The following APBA1 variants were observed in gnomAD, a reference collection of about 807,000 sequenced individuals.
APBA1 encodes amyloid-beta A4 precursor protein-binding family A member 1.
In APBA1, 55 loss-of-function variants were observed where a neutral mutation model predicts 86.6. The ratio of observed to expected loss-of-function variants is 0.64; its 90% confidence interval spans 0.51 to 0.80. APBA1 has a LOEUF of 0.80. Among genes scored for constraint, APBA1 ranks in the 30% least tolerant of loss-of-function variants. APBA1 has a pLI of 0.00. For synonymous variants in APBA1, 511 were observed against 493.9 expected (o/e 1.03, Z -0.46); for missense variants, 1,090 against 1,183.0 (o/e 0.92, Z 1.15).
At chr9:69,434,626 G>A (rs1834667230) in intron 11 of APBA1, among the ~76,000 whole-genome samples, 1 of 150,942 alleles carries the variant, frequency 6.6e-6, no homozygotes, top group Admixed American at 6.6e-5. Flanking sequence ...AGAATCCCTT[G>A]AACCCAGGAG....
chr9:69,483,560 T>C (rs1835558208), intron 2 of APBA1, among the ~76,000 whole-genome samples: 1 of 152,080 alleles, frequency 6.6e-6, no homozygotes, highest in African/African-American at 2.4e-5. Flanking sequence ...TTCCAAAAAG[T>C]CTGAATTATG....
At chr9:69,540,770 A>G (rs960793088) in intron 1 of APBA1, among the ~76,000 whole-genome samples, 12 of 151,948 alleles carry the variant, frequency 7.9e-5, no homozygotes, top group South Asian at 2.1e-4. Context: ...GGCTAATTTT[A>G]AATTTTTTTG....
chr9:69,452,882 T>C (rs900922664), intron 8 of APBA1, among the ~76,000 whole-genome samples: 2 of 152,212 alleles, frequency 1.3e-5, no homozygotes, highest in African/African-American at 4.8e-5. Flanking sequence ...ATAAATCACA[T>C]CCCTATCAAC....
intron 1 of APBA1, among the ~76,000 whole-genome samples, chr9:69,583,777 C>T (rs753564339): frequency 4.6e-5 from 7 of 152,162 alleles, no homozygotes; most frequent in African/African-American, 1.4e-4. Context: ...TGTGATACTG[C>T]GGAATCATTA....
At chr9:69,454,021 G>C (rs1835055345) in intron 8 of APBA1, among the ~76,000 whole-genome samples, 1 of 152,228 alleles carries the variant, frequency 6.6e-6, no homozygotes. Context: ...CACACTGGAA[G>C]GCTTCTCTGT....
At chr9:69,514,603 A>G (rs1483405320) in intron 2 of APBA1, among the ~76,000 whole-genome samples, 1 of 151,140 alleles carries the variant, frequency 6.6e-6, no homozygotes, top group Middle Eastern at 3.2e-3. Context: ...AAACCAAACC[A>G]AAACAAAAAA....
At chr9:69,452,425 G>C (rs542207647) in intron 8 of APBA1, 124 bp from the exon 9 acceptor site, 14 of 905,692 alleles carry the variant, frequency 1.5e-5, no homozygotes, top group Admixed American at 1.1e-4. Flanking sequence ...CATCACGCCT[G>C]CTGGGCCAGT....
chr9:69,583,171 G>T (rs1292374520), intron 1 of APBA1, among the ~76,000 whole-genome samples: 4 of 152,168 alleles, frequency 2.6e-5, no homozygotes, highest in Admixed American at 2.0e-4. Context: ...GAGGTCATTA[G>T]GGGGAAGGTA....
At chr9:69,441,236 C>T in intron 10 of APBA1, 121 bp from the exon 11 acceptor site, 1 of 1,262,250 alleles carries the variant, frequency 7.9e-7, no homozygotes, top group Non-Finnish European at 1.1e-6. Context: ...CCACTGCCTG[C>T]TTGCCTGCAG....
intron 10 of APBA1, among the ~76,000 whole-genome samples, chr9:69,442,645 G>A (rs1434018504): frequency 6.6e-6 from 1 of 152,224 alleles, no homozygotes; most frequent in Non-Finnish European, 1.5e-5. Context: ...TACGAGTGAA[G>A]TGGAAAGAGG....
intron 1 of APBA1, among the ~76,000 whole-genome samples, chr9:69,631,852 A>G (rs987195964): frequency 2.0e-5 from 3 of 152,178 alleles, no homozygotes; most frequent in African/African-American, 7.2e-5. Context: ...TGGGAATTGA[A>G]CAATGAGAAC....
intron 1 of APBA1, among the ~76,000 whole-genome samples, chr9:69,536,927 C>G (rs1327440797): frequency 6.6e-6 from 1 of 150,390 alleles, no homozygotes; most frequent in Non-Finnish European, 1.5e-5. Context: ...GCCCAAACCC[C>G]TCCTTTATGT....
At chr9:69,599,458 C>T (rs778137216) in intron 1 of APBA1, among the ~76,000 whole-genome samples, 3 of 152,136 alleles carry the variant, frequency 2.0e-5, no homozygotes, top group Non-Finnish European at 2.9e-5. Flanking sequence ...ACTGACTCAC[C>T]AAACCAATTT....
chr9:69,471,826 A>G (rs1028853201), intron 3 of APBA1, 131 bp from the exon 4 acceptor site: 8 of 726,964 alleles, frequency 1.1e-5, no homozygotes, highest in Non-Finnish European at 1.8e-5. Flanking sequence ...ATTTTTAGTT[A>G]GAGAAAGTAA....
chr9:69,471,594 T>A, intron 4 of APBA1, 62 bp downstream of exon 4: 1 of 1,346,678 alleles, frequency 7.4e-7, no homozygotes, highest in Non-Finnish European at 1.1e-6. Context: ...GTGCTTCATA[T>A]GCCCCAATGC....
At chr9:69,666,856 G>T (rs1373416394) in intron 1 of APBA1, among the ~76,000 whole-genome samples, 1 of 152,176 alleles carries the variant, frequency 6.6e-6, no homozygotes, top group Non-Finnish European at 1.5e-5. Context: ...TGTCCATTGT[G>T]TAAGAATGAA....
At chr9:69,651,753 G>T (rs984392515) in intron 1 of APBA1, among the ~76,000 whole-genome samples, 2 of 152,166 alleles carry the variant, frequency 1.3e-5, no homozygotes. Flanking sequence ...TGAGATTACC[G>T]GCGTGAGCCA....
intron 3 of APBA1, among the ~76,000 whole-genome samples, chr9:69,475,359 C>T (rs1418135988): frequency 1.3e-5 from 2 of 152,210 alleles, no homozygotes; most frequent in Non-Finnish European, 2.9e-5. Flanking sequence ...CTCAGTTACA[C>T]TGGCCACATT....
At chr9:69,672,492 G>C (rs966755533), upstream of APBA1, among the ~76,000 whole-genome samples, 2 of 146,580 alleles carry the variant, frequency 1.4e-5, no homozygotes, top group African/African-American at 4.9e-5. Flanking sequence ...GCGCGCGCAC[G>C]CCGCCTGCTA....
Sources: gnomAD v4.1 joint callset for allele counts (sites outside exome capture counted in the v4.1 genomes callset) on GRCh38, gnomAD v4.1.1 for gene constraint, MANE v1.5 for transcripts, NCBI Gene and HGNC (gene_info 2026-07-23, HGNC 2026-07-21) for gene names.